NLRC5: variants seen among roughly 807,000 people sequenced by gnomAD.
The protein encoded by NLRC5 is protein NLRC5.
NLRC5 carries 114 observed loss-of-function variants against 206.9 expected under a neutral mutation model. The ratio of observed to expected loss-of-function variants is 0.55; its 90% CI spans 0.47 to 0.64. The LOEUF (loss-of-function observed/expected upper bound fraction) is 0.64, where lower values mean the gene tolerates loss of function less well. Among genes scored for constraint, NLRC5 ranks in the 30% least tolerant of loss-of-function variants. NLRC5 has a pLI of 0.00. For missense variants in NLRC5, 2,008 were observed against 2,305.5 expected (o/e 0.87, Z 2.64); for synonymous variants, 952 against 962.8 (o/e 0.99, Z 0.21).
intron 39 of NLRC5, 80 bp downstream of exon 39, chr16:57,074,763 T>C: frequency 7.5e-7 from 1 of 1,336,722 alleles, no homozygotes; most frequent in South Asian, 1.2e-5. Flanking sequence ...AGGGAAGCAC[T>C]GAGGCCACCT....
chr16:57,063,550 T>C (rs1394403266), intron 32 of NLRC5, among the ~76,000 whole-genome samples: 1 of 152,320 alleles, frequency 6.6e-6, no homozygotes, highest in South Asian at 2.1e-4. Context: ...TTTTTTTAAA[T>C]ATTATTTTAT....
rs529763797 is a variant in NLRC5 at position 57,079,407 on chromosome 16, T to TG, written c.5237+120dup. 1.9e-4 allele frequency: 270 copies of TG among 1,387,006 alleles called. No homozygotes were observed. In the East Asian group the frequency reaches 4.6e-3, roughly 24 times the overall value. 85.9% of individuals were successfully genotyped at this position (1,387,006 alleles called of 1,614,324 possible). A position where few individuals can be genotyped will look rare whatever the true frequency, so the allele number is the denominator to read the frequency against. The stretch of plus-strand genomic sequence containing the variant: ...GAAGTGATAGAAGCCCCAGGGATGG[T>TG]GGGGGCCTGGCTCAAGAAAGGAAGT... On this transcript the variant is annotated intron_variant, in intron 45 of 48. Coordinates refer to ENST00000688547, the MANE Select transcript of NLRC5 (RefSeq NM_001384950.1).
At chr16:57,074,724 A>G (rs1438352968) in intron 39 of NLRC5, 41 bp downstream of exon 39, 1 of 1,556,086 alleles carries the variant, frequency 6.4e-7, no homozygotes, top group African/African-American at 1.4e-5. Context: ...GTGGGAAGAA[A>G]CACTTCCCAC....
intron 32 of NLRC5, among the ~76,000 whole-genome samples, chr16:57,064,338 TC>T (rs1293382127): frequency 5.3e-5 from 8 of 152,232 alleles, no homozygotes; most frequent in Non-Finnish European, 1.2e-4. Context: ...TTCTCTTTTT[TC>T]CTACTTTCAA....
At chr16:57,061,866 C>A (rs1156263484) in intron 32 of NLRC5, 165 bp downstream of exon 32, 1 of 1,535,424 alleles carries the variant, frequency 6.5e-7, no homozygotes, top group Non-Finnish European at 8.7e-7. Context: ...CCAGAGACTC[C>A]ACAAGGCACA....
Position 57,040,523 on chromosome 16 carries a change from T to G in NLRC5, c.2871-127T>G, listed in dbSNP as rs537463910. Reference sequence around the variant, plus strand: ...CAACCAGGAAGTGGAGAAGCCAAATTGGCACCAAGGTCTGATTGACTCTAG... The same window carrying G: ...CAACCAGGAAGTGGAGAAGCCAAATGGGCACCAAGGTCTGATTGACTCTAG... On this transcript the variant is annotated intron_variant, in intron 16 of 48. Transcript: ENST00000688547. 187 of 829,236 alleles carry G rather than the reference T, an allele frequency of 2.3e-4. 2 individuals carry two copies. Among genetic ancestry groups the G allele is most frequent in the Non-Finnish European group, 2.4e-5 (12 of 499,780 alleles). 51.4% of individuals were successfully genotyped at this position (829,236 alleles called of 1,614,324 possible).
At chr16:57,016,301 C>T (rs1045340575) in intron 1 of NLRC5, among the ~76,000 whole-genome samples, 4 of 152,186 alleles carry the variant, frequency 2.6e-5, no homozygotes, top group Non-Finnish European at 5.9e-5. Context: ...CTTTTCCTTT[C>T]TTATTTCTAA....
At chr16:57,024,066 A>G (rs1567546644) in intron 5 of NLRC5, among the ~76,000 whole-genome samples, 1 of 152,238 alleles carries the variant, frequency 6.6e-6, no homozygotes, top group Non-Finnish European at 1.5e-5. Context: ...ATCTGGCTGC[A>G]TGGGGACTTC....
chr16:57,039,895 C>T, intron 16 of NLRC5, 46 bp downstream of exon 16: 1 of 1,480,162 alleles, frequency 6.8e-7, no homozygotes, highest in Non-Finnish European at 9.4e-7. Context: ...CAGGGACATT[C>T]CCCTCTCTAC....
rs373734614 is a variant in NLRC5 at position 57,042,206 on chromosome 16, C to T, written c.3113+141C>T. On this transcript the variant is annotated intron_variant, in intron 19 of 48. Coordinates refer to ENST00000688547, the MANE Select transcript of NLRC5 (RefSeq NM_001384950.1). ...TTGCCCCTAATACAATGTAAGTTCT[C>T]GGTGAAGGCTAGCTAATAGATGATT... 191 of 454,958 alleles carry T rather than the reference C, an allele frequency of 4.2e-4. 3 individuals are homozygous for T. The East Asian group carries it at 6.7e-3, about 16-fold the overall frequency. 28.2% of individuals were successfully genotyped at this position (454,958 alleles called of 1,614,324 possible). A position where few individuals can be genotyped will look rare whatever the true frequency, so the allele number is the denominator to read the frequency against.
chr16:57,014,722 T>C (rs1204415237), intron 1 of NLRC5, among the ~76,000 whole-genome samples: 2 of 152,178 alleles, frequency 1.3e-5, no homozygotes, highest in African/African-American at 2.4e-5. Context: ...GCTGTTATAA[T>C]GAAACACTGT....
chr16:57,045,199 C>T (rs189627606), intron 20 of NLRC5: 2 of 489,980 alleles, frequency 4.1e-6, no homozygotes, highest in South Asian at 2.0e-5. Flanking sequence ...AGAGCAAGAC[C>T]CTTTCTTCGA....
At chr16:57,076,763 C>T in intron 39 of NLRC5, 56 bp from the exon 40 acceptor site, 1 of 1,512,126 alleles carries the variant, frequency 6.6e-7, no homozygotes, top group Non-Finnish European at 9.2e-7. Flanking sequence ...TAGCACAGCA[C>T]CTGCAAAGGC....
At chr16:57,006,669 G>A (rs1349328474) in intron 1 of NLRC5, among the ~76,000 whole-genome samples, 11 of 151,546 alleles carry the variant, frequency 7.3e-5, no homozygotes, top group Non-Finnish European at 1.5e-4. Context: ...TTACAAGCAA[G>A]GCCACGTTAA....
chr16:57,029,622 C>A (rs1225999648), intron 8 of NLRC5, 151 bp from the exon 9 acceptor site: 1 of 653,990 alleles, frequency 1.5e-6, no homozygotes, highest in Non-Finnish European at 2.7e-6. Flanking sequence ...CCTAGCCGTG[C>A]CTGCTGGAAT....
Position 57,061,690 on chromosome 16 carries a change from G to C in NLRC5, c.4143G>C (p.Leu1381=). The C allele has an allele frequency of 6.2e-7, 1 of 1,605,988 alleles. No homozygotes were observed. The highest frequency in any genetic ancestry group is 1.3e-5 in the African/African-American group (1 of 75,024). The change falls in exon 32 of 49, where the codon CTG becomes CTC. Residue 1381 remains leucine (L), a synonymous_variant. Coordinates refer to ENST00000688547, the MANE Select transcript of NLRC5 (RefSeq NM_001384950.1). ...GCTTGGTGGGGCGACCCGCAGGGCT[G>C]TTCAGCCTCAGGTACCTCCTCCCCC... ...LLSLVGRPAG[L]FSLRVQEPWA...
At chr16:57,035,019 C>A (rs62037266) in intron 13 of NLRC5, 14,021 of 152,272 alleles carry the variant, frequency 0.092, 724 homozygotes, top group Non-Finnish European at 0.099. Context: ...TTGGGAGAAC[C>A]AGGACAGAAT....
At chr16:57,041,765 C>T (rs1253064048) in intron 18 of NLRC5, among the ~76,000 whole-genome samples, 191 bp downstream of exon 18, 8 of 152,148 alleles carry the variant, frequency 5.3e-5, no homozygotes, top group African/African-American at 1.7e-4. Flanking sequence ...CTGACACGCT[C>T]GGAGGCTCAC....
At chr16:57,034,298 G>A in intron 13 of NLRC5, 47 bp downstream of exon 13, 1 of 1,526,106 alleles carries the variant, frequency 6.6e-7, no homozygotes, top group Non-Finnish European at 9.1e-7. Flanking sequence ...AAAGGAGGTT[G>A]GAGAGGGTGG....
Sources: gnomAD v4.1 joint callset for allele counts (sites outside exome capture counted in the v4.1 genomes callset) on GRCh38, gnomAD v4.1.1 for gene constraint, MANE v1.5 for transcripts, NCBI Gene and HGNC (gene_info 2026-07-23, HGNC 2026-07-21) for gene names.